CDHR5: variants seen among roughly 807,000 people sequenced by gnomAD.
CDHR5 encodes cadherin related family member 5.
Under a neutral mutation model 69.5 loss-of-function variants are expected in CDHR5, and 82 were observed. That is an observed-to-expected ratio of 1.18 (90% CI 0.99 to 1.42). CDHR5 has a LOEUF of 1.42. Ranked by LOEUF, CDHR5 falls within the 40% of genes most tolerant of loss-of-function variation. CDHR5 has a pLI of 0.00. For missense variants in CDHR5, 1,293 were observed against 1,168.9 expected, an observed-to-expected ratio of 1.11 and a Z score of -1.55; for synonymous variants, 601 against 510.2, an observed-to-expected ratio of 1.18 and a Z score of -2.40.
chr11:617,913 C>T (rs775863307), intron 14 of CDHR5, 41 bp downstream of exon 14: 4 of 1,597,320 alleles, frequency 2.5e-6, no homozygotes, highest in Non-Finnish European at 1.7e-6. Context: ...TCCCCCACTT[C>T]CTGCCTGGTC....
intron 3 of CDHR5, among the ~76,000 whole-genome samples, chr11:623,225 C>A (rs1241791216): frequency 6.6e-6 from 1 of 152,158 alleles, no homozygotes; most frequent in Non-Finnish European, 1.5e-5. Context: ...AGGAGAATCG[C>A]TTGGACCCGG....
In CDHR5 at chr11:621,533, C is replaced by T. The variant is rs370140708; in HGVS notation, c.507+29G>A. ...CTGTGGGTGTCAGAGGCGAGGGGCT[C>T]GTGCTGGGGCAGGGTGGGCGGCACT... On this transcript the variant is annotated intron_variant, in intron 5 of 14. Transcript: ENST00000397542. The surrounding 1 kb of genome is among the most constrained non-coding windows in gnomAD (Gnocchi z 4.4). 4 of 1,594,624 alleles carry T rather than the reference C, an allele frequency of 2.5e-6. No homozygotes were observed. The highest frequency in any genetic ancestry group is 3.4e-6 in the Non-Finnish European group (4 of 1,162,582).
Position 616,976 on chromosome 11 carries a change from C to T in CDHR5, c.*375G>A, listed in dbSNP as rs112477876. 2.0e-5 allele frequency: 5 copies of T among 255,718 alleles called. No homozygotes were observed. Among genetic ancestry groups the T allele is most frequent in the African/African-American group, 6.8e-5 (3 of 44,118 alleles). The allele number at this position is 255,718 out of a possible 1,614,324, so 15.8% of individuals were successfully genotyped here. A position where few individuals can be genotyped will look rare whatever the true frequency, so the allele number is the denominator to read the frequency against. On this transcript the variant is annotated 3_prime_UTR_variant, in exon 15 of 15. Transcript: ENST00000397542. The stretch of plus-strand genomic sequence containing the variant: ...CGGGAGCGGGAGGTCTGAGATGAGC[C>T]GGGTGCCTGAGATCTCCGGTGCAGG...
At chr11:620,009 C>A in intron 9 of CDHR5, 58 bp downstream of exon 9, 4 of 1,338,240 alleles carry the variant, frequency 3.0e-6, no homozygotes, top group Admixed American at 4.5e-5. Flanking sequence ...CCTGACCCCC[C>A]GCCCTACCTT....
chr11:618,168 T>G, intron 13 of CDHR5, 57 bp from the exon 14 acceptor site: 1 of 1,455,628 alleles, frequency 6.9e-7, no homozygotes, highest in East Asian at 2.3e-5. Context: ...CCCAGGCATT[T>G]CCCATGCCAA....
Position 624,783 on chromosome 11 carries a change from C to G in CDHR5, c.85+35G>C, listed in dbSNP as rs773075669. On this transcript the variant is annotated intron_variant, in intron 1 of 14. Coordinates refer to ENST00000397542, the MANE Select transcript of CDHR5 (RefSeq NM_021924.5). This position sits in a 1 kb window ranked among gnomAD's most constrained non-coding sequence, Gnocchi z 5.3. ...GTGCCTCCCAGCCCCTGGCTCCCCG[C>G]CGCCCGTGCCCCACCTACCCCTGCC... 9.3e-6 allele frequency: 15 copies of G among 1,604,514 alleles called. No individual in the cohort carries two copies. The highest frequency in any genetic ancestry group is 1.3e-5 in the Non-Finnish European group (15 of 1,174,300).
intron 3 of CDHR5, among the ~76,000 whole-genome samples, chr11:623,770 G>C (rs1857554247): frequency 6.6e-6 from 1 of 152,076 alleles, no homozygotes; most frequent in Admixed American, 6.5e-5. Context: ...GGGCCAGCTG[G>C]AAGTTTCCCA....
Position 618,793 on chromosome 11 carries a change from C to G in CDHR5, c.1766G>C (p.Ser589Thr). 1 of 1,604,092 alleles carries G rather than the reference C, an allele frequency of 6.2e-7. No homozygotes were observed. The highest frequency in any genetic ancestry group is 1.7e-5 in the Admixed American group (1 of 59,128). ...GGGTGTGGCTGGTTGGTGGGAGGTG[C>G]TGGTTCCCATACTGGGGGGCATCGG... is the stretch of plus-strand genomic sequence containing the variant. ...SQPMPPSMGT[S>T]TSHQPATPGG... Residue 589 changes from serine (S) to threonine (T), a missense_variant, in exon 13 of 15, where the codon AGC becomes ACC. Physicochemically the swap from Ser to Thr is moderately conservative, Grantham distance 58. Transcript: ENST00000397542.
Position 621,583 on chromosome 11 carries a change from G to A in CDHR5, c.486C>T (p.Tyr162=), listed in dbSNP as rs1378767662. ...TGACTGCTGTCATTTCCTGGAGGGT[G>A]TAGAACAGAATGTCGTCCTTGTCGC... The part of the protein sequence containing the change: ...EDRDKDDILF[Y]TLQEMTAGAS... The change falls in exon 5 of 15, where the codon TAC becomes TAT. Residue 162 remains tyrosine (Y), a synonymous_variant. Coordinates refer to ENST00000397542, the MANE Select transcript of CDHR5 (RefSeq NM_021924.5). The surrounding 1 kb of genome is among the most constrained non-coding windows in gnomAD (Gnocchi z 4.4). 2 of 1,613,520 alleles carry A rather than the reference G, an allele frequency of 1.2e-6. No homozygotes were observed. Among genetic ancestry groups the A allele is most frequent in the Non-Finnish European group, 1.7e-6 (2 of 1,179,510 alleles).
In CDHR5 at chr11:617,472, A is replaced by G. The variant is rs1477645368; in HGVS notation, c.2417T>C (p.Leu806Pro). ...DIGTEADVVV[L>P]NAPTLDVDGA... The stretch of plus-strand genomic sequence containing the variant: ...ATCCACGTCCAGGGTGGGCGCGTTG[A>G]GAACGACCACGTCTGCCTCCGTCCC... Residue 806 changes from leucine to proline, a missense_variant, in exon 15 of 15, where the codon CTC becomes CCC. Coordinates refer to ENST00000397542, the MANE Select transcript of CDHR5 (RefSeq NM_021924.5). The G allele has an allele frequency of 1.2e-6, 2 of 1,612,602 alleles. No individual in the cohort carries two copies. The highest frequency in any genetic ancestry group is 4.5e-5 in the East Asian group (2 of 44,882).
intron 14 of CDHR5, 79 bp from the exon 15 acceptor site, chr11:617,849 GACACCCCTCCGTCTCC>G: frequency 6.7e-7 from 1 of 1,489,384 alleles, no homozygotes; most frequent in Non-Finnish European, 9.0e-7. Flanking sequence ...TTCCACGCTG[GACACCCCTCCGTCTCC>G]ACATCTGTCC....
chr11:617,790 C>T lies in CDHR5; in HGVS notation c.2119-20G>A, dbSNP rs922787873. 18 of 1,449,334 alleles carry T rather than the reference C, an allele frequency of 1.2e-5. 1 individual carries two copies. Among genetic ancestry groups the T allele is most frequent in the African/African-American group, 8.6e-5 (6 of 70,020 alleles). 89.8% of individuals were successfully genotyped at this position (1,449,334 alleles called of 1,614,324 possible). On this transcript the variant is annotated intron_variant, in intron 14 of 14. Coordinates refer to ENST00000397542, the MANE Select transcript of CDHR5 (RefSeq NM_021924.5). ...GGGCTCCTGCAGGCGGGAGTCGAGG[C>T]GTCAGCGGGGTCCCTGGGTCTCTGC...
chr11:617,363 GT>G lies in CDHR5; in HGVS notation c.2525del (p.Asp842AlafsTer31). ...GTGGAGGGGCCACTTAGATGTAGGAGTCATCACCACCGGGCGCATCGTAGGG... is the reference window on the plus strand; with the variant it reads ...GTGGAGGGGCCACTTAGATGTAGGAGCATCACCACCGGGCGCATCGTAGGG... ...GGPYDAPGGD[D>X]SYI is the part of the protein sequence containing the mutation. On this transcript the variant is annotated frameshift_variant, in exon 15 of 15. Transcript: ENST00000397542. LOFTEE classifies it high-confidence loss of function. The G allele has an allele frequency of 6.2e-7, 1 of 1,604,790 alleles. No homozygotes were observed. The highest frequency in any genetic ancestry group is 8.5e-7 in the Non-Finnish European group (1 of 1,174,380).
At position 617,564 on chromosome 11, in the gene CDHR5, C is replaced by T. The variant is rs1208573121; in HGVS notation, c.2325G>A (p.Arg775=). The T allele has an allele frequency of 6.2e-7, 1 of 1,611,902 alleles. No individual in the cohort carries two copies. The highest frequency in any genetic ancestry group is 1.7e-5 in the Admixed American group (1 of 59,958). The part of the protein sequence containing the change: ...ARAGGSPTAV[R]SILTKERRPE... ...GCCGCCGCTCCTTGGTCAGGATGGA[C>T]CTCACCGCCGTGGGGCTTCCGCCAG... Residue 775 remains arginine (R), a synonymous_variant, in exon 15 of 15, where the codon AGG becomes AGA. Coordinates refer to ENST00000397542, the MANE Select transcript of CDHR5 (RefSeq NM_021924.5).
At chr11:618,198 A>C in intron 13 of CDHR5, 87 bp from the exon 14 acceptor site, 2 of 1,168,362 alleles carry the variant, frequency 1.7e-6, no homozygotes, top group Non-Finnish European at 1.2e-6. Context: ...GGCTTGGGAC[A>C]CTTGGGTTCC....
Position 618,067 on chromosome 11 carries a change from C to T in CDHR5, c.2005G>A (p.Ala669Thr), listed in dbSNP as rs1170990267. Reference sequence around the variant, plus strand: ...GCACCCAGCACCCCGCCCAGGGCCGCCATATCCACCACCGAGAAGCGCTTG... The same window carrying T: ...GCACCCAGCACCCCGCCCAGGGCCGTCATATCCACCACCGAGAAGCGCTTG... ...EDKRFSVVDM[A>T]ALGGVLGALL... Residue 669 changes from alanine to threonine, a missense_variant, in exon 14 of 15, where the codon GCG (alanine) becomes ACG (threonine). By Grantham distance (58) the Ala-to-Thr change is moderately conservative (BLOSUM62 0). Transcript: ENST00000397542. 6.2e-7 allele frequency: 1 copy of T among 1,609,736 alleles called. No individual in the cohort carries two copies. Among genetic ancestry groups the T allele is most frequent in the African/African-American group, 1.3e-5 (1 of 74,166 alleles).
In CDHR5 at chr11:617,479, C is replaced by A. The variant is rs746221782; in HGVS notation, c.2410G>T (p.Val804Phe). The A allele has an allele frequency of 1.9e-6, 3 of 1,612,724 alleles. No homozygotes were observed. The South Asian group carries it at 3.3e-5, about 18-fold the overall frequency. ...GEDIGTEADV[V>F]VLNAPTLDVD... is the part of the protein sequence containing the mutation. ...TCCAGGGTGGGCGCGTTGAGAACGA[C>A]CACGTCTGCCTCCGTCCCGATGTCC... Residue 804 changes from valine to phenylalanine, a missense_variant, in exon 15 of 15, where the codon GTC (valine) becomes TTC (phenylalanine). By Grantham distance (50) the Val-to-Phe change is conservative (BLOSUM62 -1). Coordinates refer to ENST00000397542, the MANE Select transcript of CDHR5 (RefSeq NM_021924.5).
chr11:621,336 C>T lies in CDHR5; in HGVS notation c.618+9G>A. On this transcript the variant is annotated intron_variant, in intron 6 of 14. Transcript: ENST00000397542. The surrounding 1 kb of genome is among the most constrained non-coding windows in gnomAD (Gnocchi z 4.4). ...TGTGTGGGACTCGGGGCTGGGGTGA[C>T]CTGCTCACCCGCACCAGCAGCCAGA... 1.2e-6 allele frequency: 2 copies of T among 1,612,092 alleles called. No homozygotes were observed. The highest frequency in any genetic ancestry group is 1.1e-5 in the South Asian group (1 of 91,044).
chr11:620,486 G>A (rs1181557747), intron 7 of CDHR5, 100 bp from the exon 8 acceptor site: 3 of 799,514 alleles, frequency 3.8e-6, no homozygotes, highest in East Asian at 2.6e-5. Context: ...TGGCTGAGGA[G>A]GGGCCCAGTC....
Sources: gnomAD v4.1 joint callset for allele counts (sites outside exome capture counted in the v4.1 genomes callset) on GRCh38, gnomAD v4.1.1 for gene constraint, Gnocchi (gnomAD v3.1) non-coding constraint, MANE v1.5 for transcripts, NCBI Gene and HGNC (gene_info 2026-07-23, HGNC 2026-07-21) for gene names.